HMGN5: variants seen among roughly 807,000 people sequenced by gnomAD.
The protein encoded by HMGN5 is high mobility group nucleosome binding domain 5.
HMGN5 carries 4 observed loss-of-function variants against 9.5 expected under a neutral mutation model. That is an observed-to-expected ratio of 0.42 (90% CI 0.21 to 0.96). HMGN5 has a LOEUF of 0.96. Ranked by LOEUF, HMGN5 falls within the 40% of genes least tolerant of loss-of-function variation. The probability of loss-of-function intolerance (pLI) is 0.30; values close to 1 mark genes in which losing one functional copy is unlikely to be tolerated. For synonymous variants in HMGN5, 55 were observed against 57.1 expected (o/e 0.96, Z 0.16); for missense variants, 192 against 187.5 (o/e 1.02, Z -0.14).
chrX:81,135,270 A>G (rs1172441618), intron 1 of HMGN5, among the ~76,000 whole-genome samples: 1 of 111,955 alleles, frequency 8.9e-6, no homozygotes, highest in Non-Finnish European at 1.9e-5. Context: ...TCACATCTCA[A>G]TAAGAAAAAG....
chrX:81,181,755 C>G lies in HMGN5; in HGVS notation c.-124+19982G>C, dbSNP rs149183650. On this transcript the variant is annotated intron_variant, in intron 1 of 6. Transcript: ENST00000358130. The stretch of plus-strand genomic sequence containing the variant: ...TTAATATAATGACCTACAGTGCCAT[C>G]TATGTTGTTGCAAAGGAAAGGATCT... Among the ~76,000 whole-genome samples, 202 of 111,977 alleles carry G rather than the reference C, an allele frequency of 1.8e-3. 1 individual carries two copies. The highest frequency in any genetic ancestry group is 4.1e-3 in the Admixed American group (43 of 10,494).
Position 81,118,461 on chromosome X carries a change from C to A in HMGN5, c.100G>T (p.Val34Leu). ...GAACTTGATGTTCTTTTAGGCTTCA[C>A]CTCTGGTGTAACTGGCACAAGCATC... ...SAMLVPVTPE[V>L]KPKRTSSSRK... The change falls in exon 5 of 7, where the codon GTG becomes TTG. Residue 34 changes from valine (V) to leucine (L), a missense_variant. Transcript: ENST00000358130. 3 of 1,179,933 alleles carry A rather than the reference C, an allele frequency of 2.5e-6. No individual in the cohort carries two copies. Among genetic ancestry groups the A allele is most frequent in the Non-Finnish European group, 3.4e-6 (3 of 874,286 alleles).
intron 1 of HMGN5, among the ~76,000 whole-genome samples, chrX:81,144,796 A>G (rs947595622): frequency 1.8e-5 from 2 of 112,063 alleles, no homozygotes; most frequent in African/African-American, 6.5e-5. Context: ...AGTTTAGAGA[A>G]GAACATAAAT....
intron 1 of HMGN5, chrX:81,197,861 C>T (rs2075513788): frequency 9.2e-6 from 1 of 109,068 alleles, no homozygotes; most frequent in Admixed American, 9.8e-5. Context: ...TTGCATAGGC[C>T]GAAAAGTGCA....
chrX:81,122,690 C>T (rs2075272556), intron 1 of HMGN5, among the ~76,000 whole-genome samples: 2 of 111,679 alleles, frequency 1.8e-5, no homozygotes, highest in South Asian at 7.5e-4. Context: ...AGTTTCTAGG[C>T]GGCCCTTTAA....
chrX:81,165,460 A>G (rs1166518107), intron 1 of HMGN5, among the ~76,000 whole-genome samples: 2 of 111,262 alleles, frequency 1.8e-5, no homozygotes, highest in African/African-American at 6.5e-5. Flanking sequence ...GACTGATGAT[A>G]GATCCTTAAC....
chrX:81,144,392 C>A (rs185937739), intron 1 of HMGN5, among the ~76,000 whole-genome samples: 1 of 111,522 alleles, frequency 9.0e-6, no homozygotes, highest in African/African-American at 3.3e-5. Context: ...CTCCAGCAGA[C>A]CTGCAGCAGA....
At chrX:81,126,851 C>CA (rs1004698329) in intron 1 of HMGN5, among the ~76,000 whole-genome samples, 2 of 111,378 alleles carry the variant, frequency 1.8e-5, no homozygotes, top group Admixed American at 1.9e-4. Context: ...TATTCAACAA[C>CA]AAAAAAATTA....
chrX:81,174,429 G>A (rs1021894324), intron 1 of HMGN5, among the ~76,000 whole-genome samples: 2 of 111,285 alleles, frequency 1.8e-5, no homozygotes, highest in Non-Finnish European at 3.8e-5. Flanking sequence ...TGACCCAGCT[G>A]AAATACATTT....
At chrX:81,196,964 G>A (rs1008292679) in intron 1 of HMGN5, among the ~76,000 whole-genome samples, 1 of 111,388 alleles carries the variant, frequency 9.0e-6, no homozygotes, top group African/African-American at 3.3e-5. Flanking sequence ...GTCTCCTGAG[G>A]CCTCCCCAGC....
chrX:81,184,017 C>A (rs1468654331), intron 1 of HMGN5, among the ~76,000 whole-genome samples: 1 of 111,288 alleles, frequency 9.0e-6, no homozygotes, highest in Non-Finnish European at 1.9e-5. Context: ...ACTGTGAGGG[C>A]CTGTTGGGAA....
Position 81,161,143 on chromosome X carries a change from T to C in HMGN5, c.-123-39471A>G, listed in dbSNP as rs941813575. On this transcript the variant is annotated intron_variant, in intron 1 of 6. Transcript: ENST00000358130. ...GAATTGCCCCAAGAATATTGCCCAT[T>C]GTGTGAAATATGAGCTGTGCTTCCT... Among the ~76,000 whole-genome samples the C allele has an allele frequency of 6.3e-5, 7 of 110,510 alleles. No homozygotes were observed. In the Admixed American group the frequency reaches 6.7e-4, roughly 11 times the overall value.
In HMGN5 at chrX:81,125,043, A is replaced by T. The variant is rs144759011; in HGVS notation, c.-123-3371T>A. Among the ~76,000 whole-genome samples, 131 of 110,293 alleles carry T rather than the reference A, an allele frequency of 1.2e-3. No homozygotes were observed. In the East Asian group the frequency reaches 0.027, roughly 23 times the overall value. ...TGAGAAAAGGAATGCTAAACAGCCA[A>T]GATAAAACAGGTCTTCAAATGTTCT... On this transcript the variant is annotated intron_variant, in intron 1 of 6. Transcript: ENST00000358130.
intron 1 of HMGN5, among the ~76,000 whole-genome samples, chrX:81,201,138 A>T (rs923065771): frequency 1.8e-5 from 2 of 110,909 alleles, no homozygotes. Flanking sequence ...ACTAGACTGG[A>T]GACAGTGGAA....
intron 5 of HMGN5, among the ~76,000 whole-genome samples, chrX:81,116,988 T>C (rs1161852637): frequency 9.0e-6 from 1 of 111,084 alleles, no homozygotes; most frequent in Non-Finnish European, 1.9e-5. Context: ...CTGCCACTTA[T>C]GTGATGTGAT....
intron 1 of HMGN5, among the ~76,000 whole-genome samples, chrX:81,172,605 A>C (rs963312725): frequency 9.1e-6 from 1 of 110,351 alleles, no homozygotes; most frequent in Non-Finnish European, 1.9e-5. Flanking sequence ...ATTTTTGTAT[A>C]ATTGAGTGAC....
At position 81,129,358 on chromosome X, in the gene HMGN5, G is replaced by T. The variant is rs1471922482; in HGVS notation, c.-123-7686C>A. 4.6e-5 allele frequency among the ~76,000 whole-genome samples: 5 copies of T among 108,880 alleles called. No homozygotes were observed. In the South Asian group the frequency reaches 2.0e-3, roughly 45 times the overall value. The allele number at this position is 108,880 out of a possible 115,157, so 94.5% of individuals were successfully genotyped here. Reference sequence around the variant, plus strand: ...TGAATAGATTGAAATGGCTTTTTTTGATTTGCATATCTTTAATTACGAGTG... The same window carrying T: ...TGAATAGATTGAAATGGCTTTTTTTTATTTGCATATCTTTAATTACGAGTG... On this transcript the variant is annotated intron_variant, in intron 1 of 6. Coordinates refer to ENST00000358130, the MANE Select transcript of HMGN5 (RefSeq NM_030763.3).
At chrX:81,153,637 ATATG>A (rs2075374910) in intron 1 of HMGN5, among the ~76,000 whole-genome samples, 1 of 45,392 alleles carries the variant, frequency 2.2e-5, no homozygotes, top group Non-Finnish European at 4.0e-5. Context: ...ATATATATAT[ATATG>A]TATCTCCTTG....
chrX:81,148,368 C>A (rs865899183), intron 1 of HMGN5, among the ~76,000 whole-genome samples: 32 of 112,049 alleles, frequency 2.9e-4, no homozygotes, highest in African/African-American at 9.1e-4. Context: ...ATGACAAAAA[C>A]AAGCAATTGG....
Sources: gnomAD v4.1 joint callset for allele counts (sites outside exome capture counted in the v4.1 genomes callset) on GRCh38, gnomAD v4.1.1 for gene constraint, MANE v1.5 for transcripts, NCBI Gene and HGNC (gene_info 2026-07-23, HGNC 2026-07-21) for gene names.